TM2D2: variants seen among roughly 807,000 people sequenced by gnomAD.
TM2D2 encodes TM2 domain containing 2.
In TM2D2, 19 loss-of-function variants were observed where a neutral mutation model predicts 23.0. That is an observed-to-expected ratio of 0.82 (90% CI 0.58 to 1.21). The LOEUF is 1.21. Among genes scored for constraint, TM2D2 ranks in the 50% most tolerant of loss-of-function variants. TM2D2 has a pLI of 0.00. For synonymous variants in TM2D2, 120 were observed against 108.8 expected (o/e 1.10, Z -0.64); for missense variants, 246 against 265.4 (o/e 0.93, Z 0.51).
chr8:38,993,189 G>A (rs897298770), intron 3 of TM2D2, among the ~76,000 whole-genome samples: 2 of 152,100 alleles, frequency 1.3e-5, no homozygotes, highest in African/African-American at 2.4e-5. Context: ...TTCACCTTCC[G>A]GGCTTAAGTC....
chr8:38,996,878 T>A, upstream of TM2D2: 1 of 1,466,172 alleles, frequency 6.8e-7, no homozygotes, highest in African/African-American at 1.4e-5. Context: ...CTAGGCGATG[T>A]CGGGAGCGAG....
chr8:38,989,544 TCCTGA>T lies in TM2D2; in HGVS notation c.*1783_*1787del, dbSNP rs1835543105. 6.6e-6 allele frequency: 1 copy of T among 152,258 alleles called. No individual in the cohort carries two copies. The highest frequency in any genetic ancestry group is 1.5e-5 in the Non-Finnish European group (1 of 68,104). The allele number at this position is 152,258 out of a possible 1,614,324, so 9.4% of individuals were successfully genotyped here. On this transcript the variant is annotated 3_prime_UTR_variant, in exon 4 of 4. Coordinates refer to ENST00000456397, the MANE Select transcript of TM2D2 (RefSeq NM_078473.3). ...CATGTTGGCCAGGCTGGTCTCGAAC[TCCTGA>T]CCTTAAAGGATTCACCTGCCTCGGC...
chr8:38,993,496 G>A (rs1478541275), intron 3 of TM2D2, 49 bp downstream of exon 3: 1 of 1,347,264 alleles, frequency 7.4e-7, no homozygotes, highest in South Asian at 1.2e-5. Flanking sequence ...AAGGAAAATG[G>A]CTCTACCTCC....
chr8:38,992,369 T>G (rs972372920), intron 3 of TM2D2, among the ~76,000 whole-genome samples: 4 of 137,362 alleles, frequency 2.9e-5, no homozygotes, highest in Middle Eastern at 3.7e-3. Flanking sequence ...TCCTAGTTAC[T>G]CGGGAGGCTG....
rs1308305638 is a variant in TM2D2, at chr8:38,992,579, C to A, written c.431+966G>T. Among the ~76,000 whole-genome samples the A allele has an allele frequency of 2.0e-5, 3 of 152,218 alleles. No individual in the cohort carries two copies. The South Asian group carries it at 6.2e-4, about 32-fold the overall frequency. On this transcript the variant is annotated intron_variant, in intron 3 of 3. Transcript: ENST00000456397. ...ATCTCTAGTTGGTAGAGGGTCTCAA[C>A]AGAATACTTGCTAAGATATGGAGCA...
chr8:38,996,215 G>GT lies in TM2D2; in HGVS notation c.224dup (p.Tyr75Ter). The change falls in exon 1 of 4, where the codon TAC (tyrosine) becomes TAAC (stop). Residue 75 changes from tyrosine to a stop codon, truncating the protein, a stop_gained and frameshift_variant. Transcript: ENST00000456397. LOFTEE classifies it high-confidence loss of function. The stretch of plus-strand genomic sequence containing the variant: ...CGCCTCGACCACTGGTAGCTTACAG[G>GT]TAAGAGCAGAGGATGACCGGAGAGT... ...DPHSPVILCS[Y>*]LPDEFIECED... 1.2e-6 allele frequency: 2 copies of GT among 1,613,016 alleles called. No individual in the cohort carries two copies. The highest frequency in any genetic ancestry group is 1.3e-5 in the African/African-American group (1 of 75,042).
chr8:38,995,199 G>T, intron 2 of TM2D2, 119 bp downstream of exon 2: 2 of 721,692 alleles, frequency 2.8e-6, no homozygotes, highest in Non-Finnish European at 4.4e-6. Context: ...TTCCAGTAAC[G>T]GTCTTTCTGA....
rs1199291424 is a variant in TM2D2 at position 38,991,103 on chromosome 8, A to T, written c.*229T>A. On this transcript the variant is annotated 3_prime_UTR_variant, in exon 4 of 4. Transcript: ENST00000456397. The stretch of plus-strand genomic sequence containing the variant: ...TCCTTTATGTTTTGTGCATGAGGAA[A>T]GGAACAAATTTGATTCCCCACAACA... The T allele has an allele frequency of 1.7e-6, 1 of 576,540 alleles. No homozygotes were observed. The highest frequency in any genetic ancestry group is 2.9e-5 in the East Asian group (1 of 34,228). The allele number at this position is 576,540 out of a possible 1,614,324, so 35.7% of individuals were successfully genotyped here.
At chr8:38,996,152 A>G in intron 1 of TM2D2, 61 bp downstream of exon 1, 2 of 1,558,274 alleles carry the variant, frequency 1.3e-6, no homozygotes, top group Non-Finnish European at 1.7e-6. Flanking sequence ...GCCTTCCCTT[A>G]ACACCCATAT....
chr8:38,994,380 G>A (rs1279329326), intron 2 of TM2D2, among the ~76,000 whole-genome samples: 2 of 152,000 alleles, frequency 1.3e-5, no homozygotes, highest in African/African-American at 4.8e-5. Flanking sequence ...GAAGGGACTG[G>A]GAAATAAGAA....
chr8:38,991,077 A>G lies in TM2D2; in HGVS notation c.*255T>C, dbSNP rs1472360335. 48 of 531,160 alleles carry G rather than the reference A, an allele frequency of 9.0e-5. No individual in the cohort carries two copies. In the East Asian group the frequency reaches 1.5e-3, roughly 17 times the overall value. The allele number at this position is 531,160 out of a possible 1,614,324, so 32.9% of individuals were successfully genotyped here. A position where few individuals can be genotyped will look rare whatever the true frequency, so the allele number is the denominator to read the frequency against. ...ATCCACAGCTTGTAAACTCGCCACTATCCTTTATGTTTTGTGCATGAGGAA... is the reference window on the plus strand; with the variant it reads ...ATCCACAGCTTGTAAACTCGCCACTGTCCTTTATGTTTTGTGCATGAGGAA... On this transcript the variant is annotated 3_prime_UTR_variant, in exon 4 of 4. Transcript: ENST00000456397.
chr8:38,989,225 T>C lies in TM2D2; in HGVS notation c.*2107A>G, dbSNP rs532974050. 2 of 152,226 alleles carry C rather than the reference T, an allele frequency of 1.3e-5. No individual in the cohort carries two copies. Among genetic ancestry groups the C allele is most frequent in the African/African-American group, 4.8e-5 (2 of 41,458 alleles). The allele number at this position is 152,226 out of a possible 1,614,324, so 9.4% of individuals were successfully genotyped here. Reference sequence around the variant, plus strand: ...AGCTTTACTGACAGTAAGAAGGGCATCTTCAGTAGTTTCTAGTCTTTTAGC... The same window carrying C: ...AGCTTTACTGACAGTAAGAAGGGCACCTTCAGTAGTTTCTAGTCTTTTAGC... On this transcript the variant is annotated 3_prime_UTR_variant, in exon 4 of 4. Coordinates refer to ENST00000456397, the MANE Select transcript of TM2D2 (RefSeq NM_078473.3).
intron 3 of TM2D2, among the ~76,000 whole-genome samples, chr8:38,992,226 G>C (rs1835622114): frequency 6.7e-6 from 1 of 150,014 alleles, no homozygotes; most frequent in Non-Finnish European, 1.5e-5. Context: ...GGCACTTTGG[G>C]AGGCCAAGAT....
At position 38,996,292 on chromosome 8, in the gene TM2D2, C is replaced by A. The variant is rs201847742; in HGVS notation, c.148G>T (p.Ala50Ser). The change falls in exon 1 of 4, where the codon GCC becomes TCC. Residue 50 changes from alanine (A) to serine (S), a missense_variant. By Grantham distance (99) the Ala-to-Ser change is moderately conservative. Coordinates refer to ENST00000456397, the MANE Select transcript of TM2D2 (RefSeq NM_078473.3). The stretch of plus-strand genomic sequence containing the variant: ...GCACCCCCGGGGCCCTCCGGCTGGG[C>A]GGCGCCAGCGGATGTGAGCTCAGGC... ...AEPELTSAGA[A>S]QPEGPGGAAS... is the part of the protein sequence containing the mutation. 142 of 1,613,902 alleles carry A rather than the reference C, an allele frequency of 8.8e-5. No individual in the cohort carries two copies. The highest frequency in any genetic ancestry group is 1.7e-5 in the Admixed American group (1 of 60,008).
At chr8:38,994,257 G>A (rs990441228) in intron 2 of TM2D2, among the ~76,000 whole-genome samples, 2 of 152,044 alleles carry the variant, frequency 1.3e-5, no homozygotes, top group African/African-American at 4.8e-5. Flanking sequence ...TTCAGAACTG[G>A]GCCTCTTACC....
At chr8:38,996,588 C>T, upstream of TM2D2, 1 of 1,458,864 alleles carries the variant, frequency 6.9e-7, no homozygotes, top group Non-Finnish European at 9.1e-7. Flanking sequence ...CGACGCTCCG[C>T]GCACCTCCGC....
At chr8:38,996,100 A>C in intron 1 of TM2D2, 113 bp downstream of exon 1, 2 of 1,278,892 alleles carry the variant, frequency 1.6e-6, no homozygotes, top group Non-Finnish European at 2.1e-6. Context: ...GAACGACCTC[A>C]GAGAGGCAGG....
At chr8:38,996,606 C>T (rs896232387), upstream of TM2D2, 1 of 1,449,100 alleles carries the variant, frequency 6.9e-7, no homozygotes, top group African/African-American at 1.4e-5. Context: ...CGCCAACCAA[C>T]TAGAAAAGGT....
chr8:38,994,459 A>G (rs1310474111), intron 2 of TM2D2, among the ~76,000 whole-genome samples: 1 of 152,184 alleles, frequency 6.6e-6, no homozygotes, highest in Non-Finnish European at 1.5e-5. Flanking sequence ...ATTAACTCAA[A>G]CTTTAATCAA....
Sources: gnomAD v4.1 joint callset for allele counts (sites outside exome capture counted in the v4.1 genomes callset) on GRCh38, gnomAD v4.1.1 for gene constraint, MANE v1.5 for transcripts, NCBI Gene and HGNC (gene_info 2026-07-23, HGNC 2026-07-21) for gene names.